The following DLG1 variants were observed in gnomAD, a reference collection of about 807,000 sequenced individuals.
DLG1 encodes the protein disks large homolog 1.
DLG1 carries 42 observed loss-of-function variants against 123.4 expected under a neutral mutation model. That is an observed-to-expected ratio of 0.34 (90% CI 0.27 to 0.44). The LOEUF (loss-of-function observed/expected upper bound fraction) is 0.44. DLG1 is among the 20% of genes least tolerant of loss of function. The probability of loss-of-function intolerance (pLI) is 1.00; values close to 1 mark genes in which losing one functional copy is unlikely to be tolerated. For missense variants in DLG1, 942 were observed against 1,082.6 expected, an observed-to-expected ratio of 0.87 and a Z score of 1.82; for synonymous variants, 317 against 356.2, an observed-to-expected ratio of 0.89 and a Z score of 1.24.
At chr3:197,069,282 A>G in intron 18 of DLG1, 22 bp from the exon 19 acceptor site, 2 of 1,563,292 alleles carry the variant, frequency 1.3e-6, no homozygotes, top group East Asian at 2.3e-5. Flanking sequence ...GGACAATGAA[A>G]AAAAATAAAA....
chr3:197,089,082 G>C (rs1385301382), intron 15 of DLG1, among the ~76,000 whole-genome samples: 6 of 152,070 alleles, frequency 3.9e-5, no homozygotes, highest in Non-Finnish European at 5.9e-5. Flanking sequence ...ATGTTATTTA[G>C]AAATATAGAG....
chr3:197,124,560 C>T (rs1308148388), intron 11 of DLG1, among the ~76,000 whole-genome samples: 1 of 152,048 alleles, frequency 6.6e-6, no homozygotes, highest in East Asian at 1.9e-4. Flanking sequence ...AGGCGTGAGC[C>T]ACCGTGCCTG....
chr3:197,238,274 C>A (rs1463787585), intron 4 of DLG1, among the ~76,000 whole-genome samples: 1 of 152,090 alleles, frequency 6.6e-6, no homozygotes, highest in Non-Finnish European at 1.5e-5. Context: ...AGGAATATCT[C>A]AAACTGAATA....
intron 5 of DLG1, among the ~76,000 whole-genome samples, chr3:197,155,668 C>A (rs1366082135): frequency 1.3e-5 from 2 of 151,952 alleles, no homozygotes; most frequent in East Asian, 1.9e-4. Context: ...GTGGCTCACA[C>A]CTGTAATCCC....
intron 4 of DLG1, among the ~76,000 whole-genome samples, chr3:197,233,544 G>A (rs1744377391): frequency 6.6e-6 from 1 of 152,152 alleles, no homozygotes; most frequent in Admixed American, 6.5e-5. Context: ...GCACCACGAT[G>A]CCCGGCTTTT....
intron 4 of DLG1, among the ~76,000 whole-genome samples, chr3:197,213,461 CTG>C (rs1228032726): frequency 6.6e-6 from 1 of 152,166 alleles, no homozygotes; most frequent in Non-Finnish European, 1.5e-5. Context: ...GGAAAATACT[CTG>C]TATCTCAACT....
chr3:197,231,224 G>T (rs913971398), intron 4 of DLG1, among the ~76,000 whole-genome samples: 1 of 101,516 alleles, frequency 9.9e-6, no homozygotes, highest in African/African-American at 3.1e-5. Context: ...TTAATGCTGT[G>T]GTTTGCTTAT....
chr3:197,095,546 A>G (rs1391295534), intron 14 of DLG1, among the ~76,000 whole-genome samples: 2 of 152,182 alleles, frequency 1.3e-5, no homozygotes, highest in African/African-American at 2.4e-5. Context: ...TTTGGCAGGA[A>G]TATCACAAAT....
intron 6 of DLG1, among the ~76,000 whole-genome samples, 168 bp downstream of exon 6, chr3:197,149,575 G>C (rs916875535): frequency 6.6e-6 from 1 of 152,016 alleles, no homozygotes; most frequent in Non-Finnish European, 1.5e-5. Context: ...GACCAAAGGA[G>C]GACCATACTA....
chr3:197,177,613 A>G (rs1807819287), intron 5 of DLG1, among the ~76,000 whole-genome samples: 1 of 152,126 alleles, frequency 6.6e-6, no homozygotes, highest in Non-Finnish European at 1.5e-5. Flanking sequence ...CCTGGTGGGA[A>G]TAGTCAGAAA....
intron 4 of DLG1, among the ~76,000 whole-genome samples, chr3:197,233,995 A>T (rs1017356692): frequency 6.6e-6 from 1 of 152,236 alleles, no homozygotes; most frequent in Non-Finnish European, 1.5e-5. Flanking sequence ...CTTCTTTGAA[A>T]CAGCATCTTA....
At chr3:197,174,375 T>C (rs577791127) in intron 5 of DLG1, among the ~76,000 whole-genome samples, 1 of 152,284 alleles carries the variant, frequency 6.6e-6, no homozygotes, top group South Asian at 2.1e-4. Context: ...GATATACATA[T>C]GGAAATTTCA....
chr3:197,246,964 T>A (rs1364191573), intron 4 of DLG1, among the ~76,000 whole-genome samples: 2 of 152,194 alleles, frequency 1.3e-5, no homozygotes, highest in African/African-American at 4.8e-5. Flanking sequence ...GAAAAGAGGA[T>A]GCCCAGGATG....
intron 16 of DLG1, among the ~76,000 whole-genome samples, chr3:197,084,829 C>CA (rs1753336144): frequency 6.7e-6 from 1 of 150,084 alleles, no homozygotes; most frequent in African/African-American, 2.5e-5. Flanking sequence ...CTCTGTCTCC[C>CA]AGGCTGGAGT....
chr3:197,268,113 G>A (rs1387044452), intron 4 of DLG1, among the ~76,000 whole-genome samples: 1 of 152,180 alleles, frequency 6.6e-6, no homozygotes, highest in African/African-American at 2.4e-5. Flanking sequence ...CAGGAGAGGT[G>A]AGGAGGTTTA....
intron 2 of DLG1, chr3:197,296,724 A>G: frequency 2.4e-6 from 1 of 414,976 alleles, no homozygotes; most frequent in South Asian, 5.1e-5. Context: ...AGTTTGGAAT[A>G]AATGTGTACT....
intron 14 of DLG1, 84 bp downstream of exon 14, chr3:197,104,819 A>T (rs1765479621): frequency 1.1e-6 from 1 of 947,398 alleles, no homozygotes; most frequent in African/African-American, 1.7e-5. Context: ...TTTAGCTTGG[A>T]AGTTAAACAT....
At chr3:197,241,838 A>G (rs1432133415) in intron 4 of DLG1, among the ~76,000 whole-genome samples, 1 of 152,192 alleles carries the variant, frequency 6.6e-6, no homozygotes, top group Non-Finnish European at 1.5e-5. Flanking sequence ...AACCTATAAC[A>G]AATTCACTAA....
At chr3:197,125,383 G>A (rs1290285664) in intron 11 of DLG1, among the ~76,000 whole-genome samples, 1 of 152,188 alleles carries the variant, frequency 6.6e-6, no homozygotes, top group Non-Finnish European at 1.5e-5. Flanking sequence ...GAGTTTGCCT[G>A]CACCAGTGTT....
Sources: gnomAD v4.1 joint callset for allele counts (sites outside exome capture counted in the v4.1 genomes callset) on GRCh38, gnomAD v4.1.1 for gene constraint, MANE v1.5 for transcripts, NCBI Gene and HGNC (gene_info 2026-07-23, HGNC 2026-07-21) for gene names.